PTPN3: variants seen among roughly 807,000 people sequenced by gnomAD.
The protein encoded by PTPN3 is tyrosine-protein phosphatase non-receptor type 3.
Under a neutral mutation model 132.7 loss-of-function variants are expected in PTPN3, and 96 were observed. That is an observed-to-expected ratio of 0.72 (90% confidence interval 0.61 to 0.86). The LOEUF (loss-of-function observed/expected upper bound fraction) is 0.86. Among genes scored for constraint, PTPN3 ranks in the 40% least tolerant of loss-of-function variants. The pLI, the probability that PTPN3 is intolerant of heterozygous loss-of-function variation, is 0.00. For synonymous variants in PTPN3, 398 were observed against 429.0 expected (o/e 0.93, Z 0.89); for missense variants, 1,125 against 1,159.6 (o/e 0.97, Z 0.43).
intron 22 of PTPN3, among the ~76,000 whole-genome samples, chr9:109,384,843 G>A (rs1172140535): frequency 2.0e-5 from 3 of 152,132 alleles, no homozygotes; most frequent in Non-Finnish European, 2.9e-5. Flanking sequence ...AAACTATGCC[G>A]CTGGAAAGCT....
chr9:109,492,696 C>T (rs1847516247), intron 1 of PTPN3, among the ~76,000 whole-genome samples: 1 of 152,184 alleles, frequency 6.6e-6, no homozygotes, highest in Non-Finnish European at 1.5e-5. Flanking sequence ...GGGAAAAATA[C>T]TCAGGGCACA....
intron 22 of PTPN3, among the ~76,000 whole-genome samples, chr9:109,388,966 G>A (rs1839824548): frequency 1.3e-5 from 2 of 152,194 alleles, no homozygotes; most frequent in South Asian, 2.1e-4. Flanking sequence ...GCAAGGCCAC[G>A]TCACTGCAGG....
rs145305453 is a variant in PTPN3, at chr9:109,388,476, C to T, written c.2253+757G>A. On this transcript the variant is annotated intron_variant, in intron 22 of 25. Coordinates refer to ENST00000374541, the MANE Select transcript of PTPN3 (RefSeq NM_002829.4). Reference sequence around the variant, plus strand: ...AAGAAAGGGCTGGGAAACAAACCCTCCAGGTCACAATGGAGACCTCAAATG... The same window carrying T: ...AAGAAAGGGCTGGGAAACAAACCCTTCAGGTCACAATGGAGACCTCAAATG... Among the ~76,000 whole-genome samples, 654 of 152,290 alleles carry T rather than the reference C, an allele frequency of 4.3e-3. 4 individuals carry two copies. The highest frequency in any genetic ancestry group is 0.015 in the African/African-American group (628 of 41,558).
At chr9:109,494,477 C>T (rs1279771302) in intron 1 of PTPN3, among the ~76,000 whole-genome samples, 2 of 152,174 alleles carry the variant, frequency 1.3e-5, no homozygotes. Flanking sequence ...AGAAGAATCA[C>T]CACGCCTATG....
chr9:109,382,114 A>G (rs1001844181), intron 24 of PTPN3, among the ~76,000 whole-genome samples, 188 bp downstream of exon 24: 1 of 152,230 alleles, frequency 6.6e-6, no homozygotes, highest in African/African-American at 2.4e-5. Context: ...TCTGTGCTAC[A>G]TTCACAAAGT....
At chr9:109,390,304 T>A (rs1839954469) in intron 21 of PTPN3, among the ~76,000 whole-genome samples, 1 of 152,190 alleles carries the variant, frequency 6.6e-6, no homozygotes, top group African/African-American at 2.4e-5. Context: ...ATCTGAGAAA[T>A]CATCTGTCTA....
intron 5 of PTPN3, chr9:109,451,493 G>T: frequency 1.2e-6 from 1 of 819,156 alleles, no homozygotes; most frequent in Non-Finnish European, 1.5e-6. Flanking sequence ...CCTCCCTGTA[G>T]CCTCCACCCA....
intron 19 of PTPN3, among the ~76,000 whole-genome samples, chr9:109,400,932 T>G (rs1446426717): frequency 2.6e-5 from 4 of 152,172 alleles, no homozygotes; most frequent in Non-Finnish European, 5.9e-5. Flanking sequence ...CACATGATGG[T>G]CTGTTTAGCC....
chr9:109,535,839 TTTTC>T, the PTPN3 span, among the ~76,000 whole-genome samples: 9 of 152,142 alleles, frequency 5.9e-5, no homozygotes, highest in Non-Finnish European at 1.3e-4. Flanking sequence ...TGCTTCCTCT[TTTTC>T]TTTCTTTCTC....
At chr9:109,428,556 A>T (rs1032852192) in intron 11 of PTPN3, 65 bp downstream of exon 11, 137 of 1,537,830 alleles carry the variant, frequency 8.9e-5, no homozygotes, top group Non-Finnish European at 1.2e-4. Context: ...ACATAGCGAG[A>T]CCCTGTCTCT....
chr9:109,447,101 A>G (rs1844915335), intron 6 of PTPN3, among the ~76,000 whole-genome samples: 1 of 152,236 alleles, frequency 6.6e-6, no homozygotes. Flanking sequence ...GACAAGGGCC[A>G]CAGATCTAAG....
the PTPN3 span, among the ~76,000 whole-genome samples, chr9:109,520,246 A>G: frequency 6.6e-6 from 1 of 152,012 alleles, no homozygotes; most frequent in Non-Finnish European, 1.5e-5. Flanking sequence ...GCTCTGCGCC[A>G]TTGCATTTTC....
intron 9 of PTPN3, 49 bp from the exon 10 acceptor site, chr9:109,433,210 T>G: frequency 6.2e-7 from 1 of 1,606,636 alleles, no homozygotes; most frequent in Non-Finnish European, 8.5e-7. Flanking sequence ...GTCATGCTTA[T>G]GCCCTCTGGT....
the PTPN3 span, chr9:109,533,747 G>C: frequency 2.8e-6 from 4 of 1,435,816 alleles, no homozygotes; most frequent in African/African-American, 2.8e-5. Flanking sequence ...CATGTAGGAA[G>C]GTGGGAACCT....
In PTPN3 at chr9:109,406,451, G is replaced by C; in HGVS notation, c.1792+11C>G. On this transcript the variant is annotated intron_variant, in intron 18 of 25. Coordinates refer to ENST00000374541, the MANE Select transcript of PTPN3 (RefSeq NM_002829.4). ...GCTTCCCTATGGCTCCTCCCCCCAG[G>C]TGGCCATTACCTCTCCTCCTGATCA... The C allele has an allele frequency of 6.2e-7, 1 of 1,611,716 alleles. No homozygotes were observed. The highest frequency in any genetic ancestry group is 8.5e-7 in the Non-Finnish European group (1 of 1,178,110).
the PTPN3 span, among the ~76,000 whole-genome samples, chr9:109,504,004 A>G: frequency 6.6e-6 from 1 of 152,244 alleles, no homozygotes; most frequent in East Asian, 1.9e-4. Flanking sequence ...ATGAATTGTA[A>G]AAAGAGCAGG....
chr9:109,438,755 C>T (rs2131940288), intron 7 of PTPN3, among the ~76,000 whole-genome samples: 1 of 152,310 alleles, frequency 6.6e-6, no homozygotes, highest in South Asian at 2.1e-4. Context: ...GACCCATCCC[C>T]TGGGATTCAG....
At chr9:109,478,589 G>A (rs985065281) in intron 1 of PTPN3, among the ~76,000 whole-genome samples, 1 of 152,242 alleles carries the variant, frequency 6.6e-6, no homozygotes, top group African/African-American at 2.4e-5. Flanking sequence ...AAAGAAAGGA[G>A]GAACGAGATG....
At chr9:109,469,192 C>T (rs559230924) in intron 1 of PTPN3, among the ~76,000 whole-genome samples, 4 of 152,162 alleles carry the variant, frequency 2.6e-5, no homozygotes, top group East Asian at 3.9e-4. Flanking sequence ...GTAATGCCGC[C>T]GCTTTATTTC....
Sources: gnomAD v4.1 joint callset for allele counts (sites outside exome capture counted in the v4.1 genomes callset) on GRCh38, gnomAD v4.1.1 for gene constraint, MANE v1.5 for transcripts, NCBI Gene and HGNC (gene_info 2026-07-23, HGNC 2026-07-21) for gene names.